Variants in FBRSL1 observed in about 807,000 individuals in gnomAD.
The protein encoded by FBRSL1 is fibrosin like 1.
In FBRSL1, 51 loss-of-function variants were observed where a neutral mutation model predicts 89.6. That is an observed-to-expected ratio of 0.57 (90% CI 0.45 to 0.72). The LOEUF is 0.72. Ranked by LOEUF, FBRSL1 falls within the 30% of genes least tolerant of loss-of-function variation. The probability of loss-of-function intolerance (pLI) is 0.00; values close to 1 mark genes in which losing one functional copy is unlikely to be tolerated. For synonymous variants in FBRSL1, 779 were observed against 681.1 expected (o/e 1.14, Z -2.24); for missense variants, 1,618 against 1,451.8 (o/e 1.11, Z -1.86).
intron 5 of FBRSL1, among the ~76,000 whole-genome samples, chr12:132,556,312 CGACA>C (rs915484216): frequency 2.0e-5 from 3 of 152,174 alleles, no homozygotes; most frequent in Admixed American, 6.5e-5. Flanking sequence ...CACACCTCTG[CGACA>C]GACAGAACCT....
intron 2 of FBRSL1, chr12:132,509,095 C>T (rs1370385904): frequency 1.7e-6 from 2 of 1,192,682 alleles, no homozygotes; most frequent in Admixed American, 4.3e-5. Flanking sequence ...GCCTCCTGGG[C>T]CCGGGCTGGA....
intron 2 of FBRSL1, among the ~76,000 whole-genome samples, chr12:132,512,396 C>T (rs550641982): frequency 5.9e-5 from 9 of 152,356 alleles, no homozygotes; most frequent in Middle Eastern, 3.4e-3. Flanking sequence ...CACGGAAGGC[C>T]GGGGCATGGA....
chr12:132,519,844 G>T (rs2035185886), intron 2 of FBRSL1, among the ~76,000 whole-genome samples: 1 of 146,204 alleles, frequency 6.8e-6, no homozygotes, highest in Admixed American at 7.0e-5. Flanking sequence ...GGAGGCAGAG[G>T]TTGCAGTGAG....
intron 1 of FBRSL1, among the ~76,000 whole-genome samples, chr12:132,505,032 A>T (rs1227782820): frequency 6.6e-6 from 1 of 152,190 alleles, no homozygotes; most frequent in Non-Finnish European, 1.5e-5. Flanking sequence ...AGGCTGAGGC[A>T]GGAGAATTGC....
At chr12:132,534,570 G>A (rs542045343) in intron 4 of FBRSL1, among the ~76,000 whole-genome samples, 8 of 152,334 alleles carry the variant, frequency 5.3e-5, no homozygotes, top group African/African-American at 7.2e-5. Flanking sequence ...CTCACTTCCC[G>A]CAGCGGGCAC....
chr12:132,506,806 G>GCAGA (rs1376337185), intron 1 of FBRSL1, among the ~76,000 whole-genome samples: 6 of 152,256 alleles, frequency 3.9e-5, no homozygotes, highest in Admixed American at 2.6e-4. Context: ...GCAGGGCTCT[G>GCAGA]GGCCTTGAGT....
intron 2 of FBRSL1, among the ~76,000 whole-genome samples, chr12:132,513,666 G>A (rs1380162521): frequency 6.6e-6 from 1 of 152,212 alleles, no homozygotes; most frequent in African/African-American, 2.4e-5. Context: ...AGGCCGAGGC[G>A]TGTTCCTGCA....
chr12:132,583,588 A>G lies in FBRSL1; in HGVS notation c.2819A>G (p.Asn940Ser). 4 of 998,432 alleles carry G rather than the reference A, an allele frequency of 4.0e-6. No individual in the cohort carries two copies. Among genetic ancestry groups the G allele is most frequent in the East Asian group, 1.1e-4 (1 of 9,400 alleles). 61.8% of individuals were successfully genotyped at this position (998,432 alleles called of 1,614,324 possible). ...FPRLSPAALH[N>S]GLLARTPPAA... Reference sequence around the variant, plus strand: ...CGCCTCTCGCCCGCCGCGCTGCACAATGGGCTCCTGGCGCGGACCCCGCCC... The same window carrying G: ...CGCCTCTCGCCCGCCGCGCTGCACAGTGGGCTCCTGGCGCGGACCCCGCCC... The change falls in exon 19 of 19, where the codon AAT becomes AGT. Residue 940 changes from asparagine (N) to serine (S), a missense_variant. Physicochemically the swap from Asn to Ser is conservative, Grantham distance 46. Transcript: ENST00000680143.
intron 14 of FBRSL1, among the ~76,000 whole-genome samples, chr12:132,575,334 TCTC>T (rs1593578065): frequency 2.0e-5 from 3 of 152,310 alleles, no homozygotes; most frequent in Admixed American, 6.5e-5. Context: ...TTCACGCCAT[TCTC>T]CTACCTCGGC....
In FBRSL1 at chr12:132,569,950, C is replaced by T; in HGVS notation, c.716C>T (p.Ala239Val). ...GGCCCAGCGCTTGAGAAGTCGGAGG[C>T]CAAGGCCGGGCCGGTGCCCAAGGTG... ...DKGPALEKSE[A>V]KAGPVPKVSG... The change falls in exon 7 of 19, where the codon GCC becomes GTC. Residue 239 changes from alanine (A) to valine (V), a missense_variant. Transcript: ENST00000680143. 1 of 1,425,438 alleles carries T rather than the reference C, an allele frequency of 7.0e-7. No homozygotes were observed. The highest frequency in any genetic ancestry group is 1.5e-5 in the South Asian group (1 of 66,852). 88.3% of individuals were successfully genotyped at this position (1,425,438 alleles called of 1,614,324 possible).
Position 132,583,548 on chromosome 12 carries a change from G to C in FBRSL1, c.2779G>C (p.Ala927Pro). ...CGGCGCGCTGCTGCCCTCGCTGGGA[G>C]CCCTGCACTTCCCGCGCCTCTCGCC... ...LDGALLPSLG[A>P]LHFPRLSPAA... Residue 927 changes from alanine to proline, a missense_variant, in exon 19 of 19, where the codon GCC (alanine) becomes CCC (proline). Ala to Pro is a conservative substitution (Grantham distance 27). Transcript: ENST00000680143. 2 of 1,043,330 alleles carry C rather than the reference G, an allele frequency of 1.9e-6. No individual in the cohort carries two copies. The highest frequency in any genetic ancestry group is 3.5e-5 in the African/African-American group (2 of 57,190). 64.6% of individuals were successfully genotyped at this position (1,043,330 alleles called of 1,614,324 possible). A position where few individuals can be genotyped will look rare whatever the true frequency, so the allele number is the denominator to read the frequency against.
At chr12:132,525,857 G>A (rs1202715196) in intron 3 of FBRSL1, 34 bp downstream of exon 3, 22 of 1,514,838 alleles carry the variant, frequency 1.5e-5, no homozygotes, top group East Asian at 2.5e-5. Context: ...CGGAGGCTCC[G>A]AGTCTGGGCC....
chr12:132,551,275 A>T, intron 5 of FBRSL1: 1 of 398,914 alleles, frequency 2.5e-6, no homozygotes, highest in South Asian at 1.8e-5. Context: ...CCACATTTAC[A>T]GGGACCCTCA....
chr12:132,582,034 C>G (rs2040792998), intron 17 of FBRSL1, 28 bp from the exon 18 acceptor site: 4 of 1,522,536 alleles, frequency 2.6e-6, no homozygotes, highest in Non-Finnish European at 3.5e-6. Flanking sequence ...ACAGACCCAA[C>G]CTCATGCTCC....
chr12:132,517,371 G>A (rs543758906), intron 2 of FBRSL1, among the ~76,000 whole-genome samples: 16 of 152,348 alleles, frequency 1.1e-4, no homozygotes, highest in Middle Eastern at 3.4e-3. Context: ...GGGGCTAGCC[G>A]TTCCGGGGCG....
intron 5 of FBRSL1, among the ~76,000 whole-genome samples, chr12:132,560,542 G>A (rs563631309): frequency 1.3e-5 from 2 of 152,112 alleles, no homozygotes; most frequent in African/African-American, 4.8e-5. Context: ...TCGGCCACCC[G>A]GGTTCCCGGC....
At chr12:132,536,683 G>A (rs1304802556) in intron 4 of FBRSL1, among the ~76,000 whole-genome samples, 1 of 151,564 alleles carries the variant, frequency 6.6e-6, no homozygotes, top group Non-Finnish European at 1.5e-5. Context: ...CATGACGTGT[G>A]AGTGCACGTG....
chr12:132,536,869 A>T (rs1391381279), intron 4 of FBRSL1, among the ~76,000 whole-genome samples: 2 of 152,246 alleles, frequency 1.3e-5, no homozygotes, highest in African/African-American at 4.8e-5. Flanking sequence ...ACGTGTGTAC[A>T]TAAATGTATG....
At position 132,570,164 on chromosome 12, in the gene FBRSL1, C is replaced by T. The variant is rs774980029; in HGVS notation, c.930C>T (p.Leu310=). The change falls in exon 7 of 19, where the codon CTC becomes CTT. Residue 310 remains leucine (L), a synonymous_variant. Transcript: ENST00000680143. ...QPPPPQPRGL[L]PTHVPASLGA... is the part of the protein sequence containing the mutation. ...CACCCCCGCAGCCCCGCGGCCTGCTCCCGACACACGTGCCTGCATCCCTGG... is the reference window on the plus strand; with the variant it reads ...CACCCCCGCAGCCCCGCGGCCTGCTTCCGACACACGTGCCTGCATCCCTGG... The T allele has an allele frequency of 6.7e-6, 10 of 1,500,406 alleles. No homozygotes were observed. Among genetic ancestry groups the T allele is most frequent in the African/African-American group, 1.5e-5 (1 of 68,468 alleles). 92.9% of individuals were successfully genotyped at this position (1,500,406 alleles called of 1,614,324 possible).
Sources: allele counts gnomAD v4.1 joint callset (sites outside exome capture counted in the v4.1 genomes callset), GRCh38; gene constraint gnomAD v4.1.1; transcripts MANE v1.5; gene names NCBI Gene and HGNC (gene_info 2026-07-23, HGNC 2026-07-21).